AOAH: variants seen among roughly 807,000 people sequenced by gnomAD.
AOAH encodes acyloxyacyl hydrolase (neutrophil).
A neutral mutation model predicts 92.2 loss-of-function variants in AOAH; 64 were observed. The ratio of observed to expected loss-of-function variants is 0.69; its 90% CI spans 0.57 to 0.86. AOAH has a LOEUF of 0.86. Ranked by LOEUF, AOAH falls within the 40% of genes least tolerant of loss-of-function variation. AOAH has a pLI of 0.00. For synonymous variants in AOAH, 263 were observed against 254.5 expected (o/e 1.03, Z -0.32); for missense variants, 656 against 694.6 (o/e 0.94, Z 0.62).
intron 4 of AOAH, among the ~76,000 whole-genome samples, chr7:36,655,949 C>T (rs10229033): frequency 0.25 from 37,655 of 151,830 alleles, 5,013 homozygotes; most frequent in African/African-American, 0.33. Context: ...TAATAGGGCC[C>T]GCCTCCCTGA....
chr7:36,632,702 TAAAGAA>T (rs1793213533), intron 5 of AOAH, among the ~76,000 whole-genome samples: 1 of 152,004 alleles, frequency 6.6e-6, no homozygotes, highest in Admixed American at 6.5e-5. Flanking sequence ...TTCCTCAACT[TAAAGAA>T]AGAGAAGAAG....
At chr7:36,687,697 T>A (rs1029950185) in intron 1 of AOAH, among the ~76,000 whole-genome samples, 1 of 151,998 alleles carries the variant, frequency 6.6e-6, no homozygotes, top group Non-Finnish European at 1.5e-5. Context: ...CAAAGGAAGG[T>A]TTATGTCCTA....
intron 11 of AOAH, among the ~76,000 whole-genome samples, chr7:36,602,469 G>C (rs1490013040): frequency 6.7e-6 from 1 of 149,772 alleles, no homozygotes; most frequent in African/African-American, 2.5e-5. Context: ...ATCCCCTAGG[G>C]TGATTGAACT....
intron 4 of AOAH, among the ~76,000 whole-genome samples, chr7:36,641,286 A>T (rs1326359083): frequency 1.3e-5 from 2 of 152,198 alleles, no homozygotes; most frequent in Non-Finnish European, 2.9e-5. Context: ...CAAAACTGGC[A>T]TCACAGGGAT....
intron 12 of AOAH, among the ~76,000 whole-genome samples, chr7:36,579,133 A>G (rs1030906722): frequency 5.3e-5 from 8 of 151,882 alleles, no homozygotes; most frequent in Non-Finnish European, 1.2e-4. Flanking sequence ...CCATGTTTCA[A>G]TCACCTCAAA....
chr7:36,678,923 T>A (rs760975402), intron 2 of AOAH, among the ~76,000 whole-genome samples: 15 of 152,214 alleles, frequency 9.9e-5, no homozygotes, highest in Non-Finnish European at 7.3e-5. Context: ...ATATTGACAG[T>A]AGCTTAGCTA....
intron 11 of AOAH, among the ~76,000 whole-genome samples, chr7:36,604,118 C>A (rs1790808090): frequency 6.6e-6 from 1 of 152,072 alleles, no homozygotes; most frequent in Non-Finnish European, 1.5e-5. Flanking sequence ...ATAAGAGTAC[C>A]AATCCCAGCC....
intron 6 of AOAH, among the ~76,000 whole-genome samples, chr7:36,627,797 C>T (rs115087181): frequency 8.7e-4 from 132 of 152,110 alleles, no homozygotes; most frequent in African/African-American, 3.0e-3. Flanking sequence ...CCGCCTGCCA[C>T]CAGATATCAG....
chr7:36,579,268 C>T (rs1219188507), intron 12 of AOAH, among the ~76,000 whole-genome samples: 1 of 152,060 alleles, frequency 6.6e-6, no homozygotes, highest in Non-Finnish European at 1.5e-5. Context: ...TTCTCCAGCC[C>T]AGCCCAGCCC....
chr7:36,518,068 C>T (rs796425858), intron 20 of AOAH, among the ~76,000 whole-genome samples: 52 of 152,230 alleles, frequency 3.4e-4, no homozygotes, highest in African/African-American at 1.2e-3. Context: ...CTTTGGTAAA[C>T]AGTGCCATGA....
chr7:36,523,248 C>T (rs1185481848), intron 19 of AOAH, among the ~76,000 whole-genome samples: 1 of 152,206 alleles, frequency 6.6e-6, no homozygotes, highest in Non-Finnish European at 1.5e-5. Flanking sequence ...TCATATTATG[C>T]TTCTGGGTTT....
intron 8 of AOAH, among the ~76,000 whole-genome samples, chr7:36,621,235 T>C (rs1792256066): frequency 6.6e-6 from 1 of 152,228 alleles, no homozygotes; most frequent in Non-Finnish European, 1.5e-5. Flanking sequence ...CTAGCATATC[T>C]GTTTTTTGAT....
At chr7:36,716,941 T>G (rs1165982645) in intron 1 of AOAH, among the ~76,000 whole-genome samples, 1 of 151,356 alleles carries the variant, frequency 6.6e-6, no homozygotes, top group Non-Finnish European at 1.5e-5. Flanking sequence ...ACCTGCACGT[T>G]GTGCACATGT....
chr7:36,660,812 A>G (rs889335286), intron 3 of AOAH, among the ~76,000 whole-genome samples: 14 of 152,230 alleles, frequency 9.2e-5, no homozygotes, highest in African/African-American at 3.4e-4. Context: ...TTTTCGAATG[A>G]CATGAACAAG....
chr7:36,689,022 G>C (rs542717272), intron 1 of AOAH, among the ~76,000 whole-genome samples: 1 of 152,072 alleles, frequency 6.6e-6, no homozygotes, highest in Admixed American at 6.6e-5. Context: ...CGAACTCCTG[G>C]CCTCAAGTGA....
At chr7:36,723,417 G>A (rs868055337) in intron 1 of AOAH, among the ~76,000 whole-genome samples, 2 of 152,190 alleles carry the variant, frequency 1.3e-5, no homozygotes, top group East Asian at 1.9e-4. Flanking sequence ...AACGCTCAGC[G>A]TCTCCAGGTG....
At chr7:36,581,698 A>C (rs1306963876) in intron 12 of AOAH, among the ~76,000 whole-genome samples, 1 of 152,204 alleles carries the variant, frequency 6.6e-6, no homozygotes, top group Non-Finnish European at 1.5e-5. Flanking sequence ...ATGAAGAGTA[A>C]ATAGTGTAGG....
chr7:36,673,652 G>C (rs916852086), intron 3 of AOAH, among the ~76,000 whole-genome samples: 1 of 152,206 alleles, frequency 6.6e-6, no homozygotes, highest in Admixed American at 6.5e-5. Flanking sequence ...CCAGCTAAGT[G>C]GGGAGAGAAG....
At chr7:36,660,700 T>C (rs1353703276) in intron 3 of AOAH, among the ~76,000 whole-genome samples, 1 of 152,226 alleles carries the variant, frequency 6.6e-6, no homozygotes, top group Non-Finnish European at 1.5e-5. Flanking sequence ...GACAGTTCTT[T>C]TAAAACATTT....
Sources: gnomAD v4.1 joint callset for allele counts (sites outside exome capture counted in the v4.1 genomes callset) on GRCh38, gnomAD v4.1.1 for gene constraint, MANE v1.5 for transcripts, NCBI Gene and HGNC (gene_info 2026-07-23, HGNC 2026-07-21) for gene names.